TAFA4: variants seen among roughly 807,000 people sequenced by gnomAD.
TAFA4 encodes chemokine-like protein TAFA-4.
TAFA4 carries 20 observed loss-of-function variants against 21.1 expected under a neutral mutation model. That is an observed-to-expected ratio of 0.95 (90% CI 0.67 to 1.38). The LOEUF is 1.38. Ranked by LOEUF, TAFA4 falls within the 40% of genes most tolerant of loss-of-function variation. The probability of loss-of-function intolerance (pLI) is 0.00; values close to 1 mark genes in which losing one functional copy is unlikely to be tolerated. For synonymous variants in TAFA4, 71 were observed against 67.4 expected, an observed-to-expected ratio of 1.05 and a Z score of -0.26; for missense variants, 211 against 180.9, an observed-to-expected ratio of 1.17 and a Z score of -0.95.
rs527877611 is a variant in TAFA4, at chr3:68,768,804, C to A, written c.131-15786G>T. Among the ~76,000 whole-genome samples the A allele has an allele frequency of 9.9e-5, 15 of 152,178 alleles. No individual in the cohort carries two copies. The South Asian group carries it at 3.1e-3, about 32-fold the overall frequency. ...GTCATTGGTGACAACATGGACGAAT[C>A]TGGAAGACATTATGTTAAATGAAAT... On this transcript the variant is annotated intron_variant, in intron 3 of 5. Transcript: ENST00000295569.
chr3:68,746,016 C>G (rs1702450035), intron 4 of TAFA4, among the ~76,000 whole-genome samples: 1 of 152,120 alleles, frequency 6.6e-6, no homozygotes, highest in Non-Finnish European at 1.5e-5. Flanking sequence ...TAATCACCTG[C>G]CAGCACAGCT....
intron 1 of TAFA4, among the ~76,000 whole-genome samples, chr3:68,925,856 A>G (rs2090103248): frequency 6.6e-6 from 1 of 152,182 alleles, no homozygotes; most frequent in South Asian, 2.1e-4. Flanking sequence ...CCACAGGTTC[A>G]TCAAAAGCCC....
rs116437593 is a variant in TAFA4, at chr3:68,904,387, G to A, written c.-122-19077C>T. Among the ~76,000 whole-genome samples the A allele has an allele frequency of 7.3e-3, 1,113 of 152,278 alleles. 14 individuals are homozygous for A. The highest frequency in any genetic ancestry group is 0.025 in the African/African-American group (1,052 of 41,556). ...ACAGCTGTGAGAAAAAGGAGATGAC[G>A]TTTCTAAGATATTTAGGATGACAGG... On this transcript the variant is annotated intron_variant, in intron 1 of 5. Coordinates refer to ENST00000295569, the MANE Select transcript of TAFA4 (RefSeq NM_182522.5).
chr3:68,832,612 G>A (rs1299235747), intron 3 of TAFA4, among the ~76,000 whole-genome samples: 2 of 152,310 alleles, frequency 1.3e-5, no homozygotes, highest in East Asian at 1.9e-4. Context: ...CTATTGGGAG[G>A]TGTCTCCCAG....
chr3:68,851,803 A>G (rs941684942), intron 3 of TAFA4, among the ~76,000 whole-genome samples: 33 of 152,330 alleles, frequency 2.2e-4, no homozygotes, highest in African/African-American at 7.7e-4. Flanking sequence ...AAAATGGGAG[A>G]GAGATCAATG....
At chr3:68,804,825 T>G (rs980300175) in intron 3 of TAFA4, among the ~76,000 whole-genome samples, 13 of 152,296 alleles carry the variant, frequency 8.5e-5, no homozygotes, top group Non-Finnish European at 1.8e-4. Flanking sequence ...AAGACTTACA[T>G]GTTAGACCTA....
chr3:68,850,549 G>A (rs1024220750), intron 3 of TAFA4, among the ~76,000 whole-genome samples: 11 of 152,048 alleles, frequency 7.2e-5, no homozygotes, highest in South Asian at 4.2e-4. Context: ...CAACCTCACC[G>A]GCATCCGTTT....
chr3:68,871,524 A>AC (rs1209381947), intron 3 of TAFA4, among the ~76,000 whole-genome samples: 1 of 152,128 alleles, frequency 6.6e-6, no homozygotes, highest in Non-Finnish European at 1.5e-5. Context: ...TCCGGGCAAA[A>AC]ATTTTTTTAG....
At chr3:68,892,345 A>C (rs2089737927) in intron 1 of TAFA4, among the ~76,000 whole-genome samples, 1 of 152,224 alleles carries the variant, frequency 6.6e-6, no homozygotes, top group African/African-American at 2.4e-5. Flanking sequence ...TAAATATTAA[A>C]GAATTTTATA....
chr3:68,805,645 G>C (rs1308040747), intron 3 of TAFA4, among the ~76,000 whole-genome samples: 1 of 152,170 alleles, frequency 6.6e-6, no homozygotes, highest in Non-Finnish European at 1.5e-5. Context: ...GTGAGTTCCT[G>C]TCCTTTATAG....
intron 3 of TAFA4, among the ~76,000 whole-genome samples, chr3:68,781,492 G>A (rs1703152939): frequency 6.6e-6 from 1 of 151,924 alleles, no homozygotes; most frequent in African/African-American, 2.4e-5. Context: ...GGTATATTAT[G>A]AGCAACTTCG....
chr3:68,846,575 G>T (rs1432489509), intron 3 of TAFA4, among the ~76,000 whole-genome samples: 1 of 152,062 alleles, frequency 6.6e-6, no homozygotes, highest in Non-Finnish European at 1.5e-5. Flanking sequence ...AAGGAGTTGT[G>T]ATCCTTTGAA....
At chr3:68,800,813 C>T (rs763021595) in intron 3 of TAFA4, among the ~76,000 whole-genome samples, 4 of 152,080 alleles carry the variant, frequency 2.6e-5, no homozygotes, top group African/African-American at 4.8e-5. Flanking sequence ...TAATAAGAAC[C>T]GAAGCACTTG....
chr3:68,819,474 G>C (rs148004959), intron 3 of TAFA4, among the ~76,000 whole-genome samples: 11 of 152,186 alleles, frequency 7.2e-5, no homozygotes, highest in African/African-American at 2.6e-4. Context: ...TTTCACCATT[G>C]AGTTTGGGTA....
intron 3 of TAFA4, among the ~76,000 whole-genome samples, chr3:68,800,224 G>A (rs1703547167): frequency 6.6e-6 from 1 of 152,052 alleles, no homozygotes; most frequent in Non-Finnish European, 1.5e-5. Context: ...TGAAAAAAAT[G>A]TCTTTCACAA....
chr3:68,823,267 A>T (rs1012792141), intron 3 of TAFA4, among the ~76,000 whole-genome samples: 1 of 152,168 alleles, frequency 6.6e-6, no homozygotes, highest in African/African-American at 2.4e-5. Flanking sequence ...ATTTCTTTCA[A>T]CGATGAATAC....
intron 3 of TAFA4, among the ~76,000 whole-genome samples, chr3:68,808,484 T>A (rs560289193): frequency 6.6e-6 from 1 of 152,228 alleles, no homozygotes; most frequent in Non-Finnish European, 1.5e-5. Context: ...AAAAAAATAA[T>A]CTACTGCCTT....
intron 3 of TAFA4, among the ~76,000 whole-genome samples, chr3:68,755,857 T>C (rs566942925): frequency 1.2e-4 from 19 of 152,306 alleles, no homozygotes; most frequent in African/African-American, 4.3e-4. Context: ...GCAGAAGTGA[T>C]GGTTTGCCAT....
intron 3 of TAFA4, among the ~76,000 whole-genome samples, chr3:68,810,317 C>T (rs1283729572): frequency 6.6e-6 from 1 of 152,058 alleles, no homozygotes; most frequent in Non-Finnish European, 1.5e-5. Context: ...GAGTGTCGGA[C>T]AGTGGGTGCA....
Sources: allele counts gnomAD v4.1 joint callset (sites outside exome capture counted in the v4.1 genomes callset), GRCh38; gene constraint gnomAD v4.1.1; transcripts MANE v1.5; gene names NCBI Gene and HGNC (gene_info 2026-07-23, HGNC 2026-07-21).